HCN1: variants seen among roughly 807,000 people sequenced by gnomAD.
HCN1 encodes hyperpolarization activated cyclic nucleotide gated potassium channel 1.
HCN1 carries 13 observed loss-of-function variants against 78.9 expected under a neutral mutation model. The observed-to-expected ratio is 0.16, with a 90% CI of 0.11 to 0.26. The LOEUF (loss-of-function observed/expected upper bound fraction) is 0.26. Among genes scored for constraint, HCN1 ranks in the 10% least tolerant of loss-of-function variants. The pLI, the probability that HCN1 is intolerant of heterozygous loss-of-function variation, is 1.00. For synonymous variants in HCN1, 552 were observed against 455.5 expected (o/e 1.21, Z -2.70); for missense variants, 810 against 1,154.3 (o/e 0.70, Z 4.32).
intron 2 of HCN1, among the ~76,000 whole-genome samples, chr5:45,488,850 C>T (rs545333688): frequency 1.3e-5 from 2 of 152,102 alleles, no homozygotes; most frequent in Non-Finnish European, 2.9e-5. Context: ...GGTGTTTTGA[C>T]CACAATTGTG....
chr5:45,321,799 G>A (rs998718080), intron 5 of HCN1, among the ~76,000 whole-genome samples: 25 of 151,884 alleles, frequency 1.6e-4, no homozygotes, highest in African/African-American at 5.8e-4. Flanking sequence ...TAAAAATCTT[G>A]CATTTTATTG....
intron 2 of HCN1, among the ~76,000 whole-genome samples, chr5:45,520,083 A>T (rs1302956390): frequency 6.6e-6 from 1 of 152,030 alleles, no homozygotes; most frequent in African/African-American, 2.4e-5. Flanking sequence ...TAATCACTAT[A>T]TTATCAAAAG....
chr5:45,372,070 TA>T (rs1355587327), intron 4 of HCN1, among the ~76,000 whole-genome samples: 1 of 53,992 alleles, frequency 1.9e-5, no homozygotes, highest in Non-Finnish European at 2.8e-5. Context: ...TTATATTATA[TA>T]TTATATATAA....
intron 6 of HCN1, 81 bp downstream of exon 6, chr5:45,303,518 C>T: frequency 1.4e-6 from 2 of 1,450,996 alleles, no homozygotes; most frequent in South Asian, 1.2e-5. Flanking sequence ...AAAAAACTGA[C>T]ATGCTGACAT....
At chr5:45,297,076 CCAAA>C (rs1178523807) in intron 6 of HCN1, among the ~76,000 whole-genome samples, 1 of 151,926 alleles carries the variant, frequency 6.6e-6, no homozygotes, top group African/African-American at 2.4e-5. Context: ...GCTGAGAGCC[CCAAA>C]CAGAGATTTA....
At chr5:45,319,438 T>C (rs953658541) in intron 5 of HCN1, among the ~76,000 whole-genome samples, 6 of 151,864 alleles carry the variant, frequency 4.0e-5, no homozygotes, top group African/African-American at 1.2e-4. Flanking sequence ...TTATTGTAGT[T>C]TTAATATGCA....
intron 2 of HCN1, among the ~76,000 whole-genome samples, chr5:45,639,757 A>C (rs1745419073): frequency 6.6e-6 from 1 of 152,176 alleles, no homozygotes; most frequent in Non-Finnish European, 1.5e-5. Flanking sequence ...CATACAAAAA[A>C]ATGCGAGGAA....
intron 1 of HCN1, among the ~76,000 whole-genome samples, chr5:45,664,251 T>C (rs906455054): frequency 2.7e-5 from 3 of 111,264 alleles, no homozygotes; most frequent in African/African-American, 1.1e-4. Context: ...AGGTGGGAAT[T>C]GAACAATGAG....
At chr5:45,370,887 T>A in intron 4 of HCN1, among the ~76,000 whole-genome samples, 1 of 152,202 alleles carries the variant, frequency 6.6e-6, no homozygotes. Context: ...AATGGAACAT[T>A]TAAAAATGTA....
chr5:45,266,499 T>TA (rs1193832310), intron 7 of HCN1, among the ~76,000 whole-genome samples: 1 of 152,168 alleles, frequency 6.6e-6, no homozygotes, highest in Non-Finnish European at 1.5e-5. Flanking sequence ...CTAGAATTTT[T>TA]ATCATTGCTT....
chr5:45,300,121 A>ATTCACAAAACATATGTCGAC (rs1462653702), intron 6 of HCN1, among the ~76,000 whole-genome samples: 1 of 152,038 alleles, frequency 6.6e-6, no homozygotes, highest in East Asian at 1.9e-4. Context: ...CCTCCTCTGA[A>ATTCACAAAACATATGTCGAC]TTCACAAAAC....
At chr5:45,659,310 A>C (rs9915217) in intron 1 of HCN1, among the ~76,000 whole-genome samples, 8,724 of 84,200 alleles carry the variant, frequency 0.1, 353 homozygotes, top group African/African-American at 0.16. Flanking sequence ...CTGTACATCA[A>C]CATCATCAAA....
intron 2 of HCN1, among the ~76,000 whole-genome samples, chr5:45,465,630 C>T (rs1418387908): frequency 2.0e-5 from 3 of 152,078 alleles, no homozygotes; most frequent in African/African-American, 4.8e-5. Flanking sequence ...CGGTGGGCAC[C>T]TGTAGTCCCA....
intron 5 of HCN1, among the ~76,000 whole-genome samples, chr5:45,335,717 G>C (rs1312337307): frequency 6.6e-6 from 1 of 152,070 alleles, no homozygotes; most frequent in Non-Finnish European, 1.5e-5. Flanking sequence ...AAATTCTACT[G>C]TGTACTTACT....
At chr5:45,273,366 A>G (rs1318302029) in intron 6 of HCN1, among the ~76,000 whole-genome samples, 1 of 152,092 alleles carries the variant, frequency 6.6e-6, no homozygotes, top group Non-Finnish European at 1.5e-5. Context: ...AGATATATCA[A>G]CTTCTCAATG....
intron 2 of HCN1, among the ~76,000 whole-genome samples, chr5:45,541,876 G>T (rs1055812528): frequency 1.3e-5 from 2 of 152,082 alleles, no homozygotes; most frequent in African/African-American, 4.8e-5. Flanking sequence ...TAAACATAAT[G>T]AATAACTTTA....
intron 3 of HCN1, among the ~76,000 whole-genome samples, chr5:45,443,550 C>G (rs934052110): frequency 6.6e-6 from 1 of 152,002 alleles, no homozygotes; most frequent in Non-Finnish European, 1.5e-5. Flanking sequence ...CATCCATTAT[C>G]TCTATATAGA....
At chr5:45,539,647 A>G (rs1743049918) in intron 2 of HCN1, among the ~76,000 whole-genome samples, 1 of 150,544 alleles carries the variant, frequency 6.6e-6, no homozygotes, top group Non-Finnish European at 1.5e-5. Context: ...CCTGGGTGAC[A>G]GAGCGAGACT....
chr5:45,450,074 G>A (rs1407984962), intron 3 of HCN1, among the ~76,000 whole-genome samples: 3 of 152,106 alleles, frequency 2.0e-5, no homozygotes, highest in South Asian at 4.1e-4. Flanking sequence ...CTCGTGATAC[G>A]CCTGCCTCGG....
Sources: gnomAD v4.1 joint callset for allele counts (sites outside exome capture counted in the v4.1 genomes callset) on GRCh38, gnomAD v4.1.1 for gene constraint, MANE v1.5 for transcripts, NCBI Gene and HGNC (gene_info 2026-07-23, HGNC 2026-07-21) for gene names.